Variants in PRKAR1B observed in about 807,000 individuals in gnomAD.
PRKAR1B encodes the protein protein kinase cAMP-dependent type I regulatory subunit beta.
A neutral mutation model predicts 46.5 loss-of-function variants in PRKAR1B; 22 were observed. The observed-to-expected ratio is 0.47, with a 90% CI of 0.34 to 0.68. The LOEUF is 0.68. Ranked by LOEUF, PRKAR1B falls within the 30% of genes least tolerant of loss-of-function variation. The probability of loss-of-function intolerance (pLI) is 0.01; values close to 1 mark genes in which losing one functional copy is unlikely to be tolerated. For missense variants in PRKAR1B, 445 were observed against 535.6 expected (o/e 0.83, Z 1.67); for synonymous variants, 259 against 217.7 (o/e 1.19, Z -1.67).
intron 4 of PRKAR1B, among the ~76,000 whole-genome samples, chr7:645,231 A>G (rs1266119160): frequency 6.6e-6 from 1 of 152,186 alleles, no homozygotes; most frequent in Non-Finnish European, 1.5e-5. Flanking sequence ...TCCTACAGAA[A>G]GGAGCAGAGA....
intron 9 of PRKAR1B, among the ~76,000 whole-genome samples, chr7:569,957 C>T (rs561748648): frequency 2.0e-5 from 3 of 152,358 alleles, no homozygotes; most frequent in South Asian, 2.1e-4. Flanking sequence ...CAGAGCCCAG[C>T]CCCGGGGTTC....
intron 4 of PRKAR1B, among the ~76,000 whole-genome samples, chr7:610,679 C>T (rs1782430960): frequency 6.6e-6 from 1 of 152,214 alleles, no homozygotes; most frequent in East Asian, 1.9e-4. Flanking sequence ...GCTTCACCCT[C>T]TTTTTCCACT....
At chr7:659,054 G>A (rs1428835028) in intron 4 of PRKAR1B, among the ~76,000 whole-genome samples, 7 of 150,320 alleles carry the variant, frequency 4.7e-5, no homozygotes. Flanking sequence ...CACACACACA[G>A]CACAGACACT....
chr7:698,575 G>A (rs1383442632), intron 2 of PRKAR1B, among the ~76,000 whole-genome samples: 1 of 151,912 alleles, frequency 6.6e-6, no homozygotes, highest in African/African-American at 2.4e-5. Context: ...TGCACATCCA[G>A]AGAGGTACAT....
rs924538867 is a variant in PRKAR1B, at chr7:610,510, A to T, written c.441-3058T>A. On this transcript the variant is annotated intron_variant, in intron 4 of 10. Coordinates refer to ENST00000537384, the MANE Select transcript of PRKAR1B (RefSeq NM_001164760.2). ...GTGATCAGCAGAGCCCAGAGAGCCCAGCCTCGTGTACCAAAAAGGTCTGGG... is the reference window on the plus strand; with the variant it reads ...GTGATCAGCAGAGCCCAGAGAGCCCTGCCTCGTGTACCAAAAAGGTCTGGG... Among the ~76,000 whole-genome samples, 5 of 152,196 alleles carry T rather than the reference A, an allele frequency of 3.3e-5. No homozygotes were observed. The South Asian group carries it at 1.0e-3, about 32-fold the overall frequency.
In PRKAR1B at chr7:591,061, G is replaced by A. The variant is rs953878341; in HGVS notation, c.708+5085C>T. ...TTCACACTGACTGCCCAGCAATTAC[G>A]CCCAGCCGGAGGAATGCAAGCGTGT... On this transcript the variant is annotated intron_variant, in intron 7 of 10. Coordinates refer to ENST00000537384, the MANE Select transcript of PRKAR1B (RefSeq NM_001164760.2). 7.2e-5 allele frequency among the ~76,000 whole-genome samples: 11 copies of A among 152,348 alleles called. No homozygotes were observed. In the East Asian group the frequency reaches 7.7e-4, roughly 11 times the overall value.
In PRKAR1B at chr7:551,455, G is replaced by A. The variant is rs1388822258; in HGVS notation, c.907C>T (p.Leu303=). 1.3e-6 allele frequency: 2 copies of A among 1,555,854 alleles called. No homozygotes were observed. Among genetic ancestry groups the A allele is most frequent in the Non-Finnish European group, 1.7e-6 (2 of 1,149,370 alleles). The change falls in exon 10 of 11, where the codon CTG becomes TTG. Residue 303 remains leucine, a synonymous_variant. Transcript: ENST00000537384. Reference sequence around the variant, plus strand: ...TCCTCATTGGGGGACCGGCGCTGCAGCACGGACGCGGTGCCCTGTGGGTGG... The same window carrying A: ...TCCTCATTGGGGGACCGGCGCTGCAACACGGACGCGGTGCCCTGTGGGTGG... ...YIITEGTASV[L]QRRSPNEEYV...
chr7:582,242 G>A (rs1320378639), intron 8 of PRKAR1B, among the ~76,000 whole-genome samples: 2 of 152,260 alleles, frequency 1.3e-5, no homozygotes, highest in Non-Finnish European at 2.9e-5. Context: ...GATTCTACGG[G>A]GTCTCCTGTC....
chr7:591,961 G>T (rs1238032110), intron 7 of PRKAR1B, among the ~76,000 whole-genome samples: 1 of 152,222 alleles, frequency 6.6e-6, no homozygotes, highest in Non-Finnish European at 1.5e-5. Flanking sequence ...CAGTCTGAAG[G>T]CACCGCTGTG....
intron 7 of PRKAR1B, 69 bp downstream of exon 7, chr7:596,077 G>C: frequency 6.4e-6 from 10 of 1,562,098 alleles, no homozygotes; most frequent in Non-Finnish European, 8.7e-6. Flanking sequence ...CTTGAATAGA[G>C]CTAGGGTTCC....
At chr7:583,124 G>A (rs1780295584) in intron 8 of PRKAR1B, among the ~76,000 whole-genome samples, 1 of 152,100 alleles carries the variant, frequency 6.6e-6, no homozygotes, top group South Asian at 2.1e-4. Context: ...CGGGGCTCTG[G>A]GATGGGAGCG....
intron 9 of PRKAR1B, among the ~76,000 whole-genome samples, chr7:568,990 G>A (rs1779338716): frequency 6.6e-6 from 1 of 151,828 alleles, no homozygotes; most frequent in South Asian, 2.1e-4. Context: ...GGAGGAAGAT[G>A]GTGCTTTTTA....
At chr7:623,131 T>G (rs1473217393) in intron 4 of PRKAR1B, among the ~76,000 whole-genome samples, 1 of 152,186 alleles carries the variant, frequency 6.6e-6, no homozygotes, top group African/African-American at 2.4e-5. Context: ...TTTAGCCTCT[T>G]CCACTGTTTA....
At chr7:710,447 C>T (rs1217749240) in intron 2 of PRKAR1B, among the ~76,000 whole-genome samples, 3 of 152,020 alleles carry the variant, frequency 2.0e-5, no homozygotes, top group Non-Finnish European at 2.9e-5. Context: ...CGCACGTCTA[C>T]GAAAAGAGCC....
rs1784093695 is a variant in PRKAR1B at position 550,201 on chromosome 7, CCCTT to C, written c.*225_*228del. The C allele has an allele frequency of 2.2e-5, 12 of 550,020 alleles. No homozygotes were observed. The highest frequency in any genetic ancestry group is 3.6e-5 in the Non-Finnish European group (11 of 306,842). The allele number at this position is 550,020 out of a possible 1,614,324, so 34.1% of individuals were successfully genotyped here. On this transcript the variant is annotated 3_prime_UTR_variant, in exon 11 of 11. Transcript: ENST00000537384. ...GCGTGTGGGGAGGAAGCTGGCCTGT[CCCTT>C]CCTTGATCTTGGGATGCATTTTGTC... is the stretch of plus-strand genomic sequence containing the variant.
At chr7:591,439 A>G (rs1780972803) in intron 7 of PRKAR1B, among the ~76,000 whole-genome samples, 2 of 152,068 alleles carry the variant, frequency 1.3e-5, no homozygotes, top group African/African-American at 4.8e-5. Context: ...TGGCTTCTTA[A>G]CACCGGTCCC....
intron 2 of PRKAR1B, among the ~76,000 whole-genome samples, chr7:710,413 G>A (rs1780555727): frequency 6.6e-6 from 1 of 152,206 alleles, no homozygotes; most frequent in African/African-American, 2.4e-5. Context: ...AGGGGCTCCT[G>A]TCCCGGCCTC....
At chr7:599,073 C>T (rs1467993592) in intron 6 of PRKAR1B, among the ~76,000 whole-genome samples, 1 of 152,220 alleles carries the variant, frequency 6.6e-6, no homozygotes, top group Non-Finnish European at 1.5e-5. Flanking sequence ...CCCATGAGGC[C>T]TGGAGAAGCC....
chr7:669,488 G>C (rs1488238170), intron 4 of PRKAR1B, among the ~76,000 whole-genome samples: 1 of 152,160 alleles, frequency 6.6e-6, no homozygotes, highest in African/African-American at 2.4e-5. Context: ...AATGGGCTGG[G>C]TGCAGTGGCT....
Sources: allele counts gnomAD v4.1 joint callset (sites outside exome capture counted in the v4.1 genomes callset), GRCh38; gene constraint gnomAD v4.1.1; transcripts MANE v1.5; gene names NCBI Gene and HGNC (gene_info 2026-07-23, HGNC 2026-07-21).